Variants in MAST4 observed in about 807,000 individuals in gnomAD.
MAST4 encodes the protein microtubule-associated serine/threonine-protein kinase 4.
Under a neutral mutation model 162.7 loss-of-function variants are expected in MAST4, and 89 were observed. The ratio of observed to expected loss-of-function variants is 0.55; its 90% CI spans 0.46 to 0.65. MAST4 has a LOEUF of 0.65. Ranked by LOEUF, MAST4 falls within the 30% of genes least tolerant of loss-of-function variation. The pLI is 0.00. For synonymous variants in MAST4, 1,479 were observed against 1,361.1 expected (o/e 1.09, Z -1.91); for missense variants, 3,153 against 3,374.0 (o/e 0.93, Z 1.62).
chr5:67,075,744 T>C (rs972059020), intron 5 of MAST4, among the ~76,000 whole-genome samples: 5 of 152,218 alleles, frequency 3.3e-5, no homozygotes, highest in Non-Finnish European at 7.3e-5. Flanking sequence ...AGCACTCCCT[T>C]AGGCATTATC....
At chr5:66,984,977 A>T (rs1460185348) in intron 4 of MAST4, among the ~76,000 whole-genome samples, 1 of 152,028 alleles carries the variant, frequency 6.6e-6, no homozygotes, top group Non-Finnish European at 1.5e-5. Flanking sequence ...TTCTAAGGAG[A>T]AGTTAGGTCT....
chr5:66,688,068 T>TA (rs1240403165), intron 1 of MAST4, among the ~76,000 whole-genome samples: 1 of 152,204 alleles, frequency 6.6e-6, no homozygotes, highest in Non-Finnish European at 1.5e-5. Flanking sequence ...GGTAAACCTT[T>TA]AGCTTGGTTT....
At chr5:66,939,201 A>G (rs1743101074) in intron 4 of MAST4, among the ~76,000 whole-genome samples, 1 of 152,196 alleles carries the variant, frequency 6.6e-6, no homozygotes. Context: ...AGAGAAACAA[A>G]TAGAAAACTG....
At chr5:66,700,781 T>A (rs367785991) in intron 1 of MAST4, among the ~76,000 whole-genome samples, 8 of 142,778 alleles carry the variant, frequency 5.6e-5, no homozygotes, top group Non-Finnish European at 1.1e-4. Flanking sequence ...AAAAAAAAAA[T>A]TATATATATA....
intron 1 of MAST4, among the ~76,000 whole-genome samples, chr5:66,692,281 A>G (rs529314991): frequency 6.6e-6 from 1 of 152,214 alleles, no homozygotes; most frequent in South Asian, 2.1e-4. Flanking sequence ...TGGGCCTGAG[A>G]CTTGAGCACG....
intron 1 of MAST4, among the ~76,000 whole-genome samples, chr5:66,643,480 C>G (rs1745618168): frequency 6.6e-6 from 1 of 152,120 alleles, no homozygotes; most frequent in Admixed American, 6.5e-5. Context: ...CAGTTTAAAA[C>G]TGAAAGTAAA....
intron 10 of MAST4, among the ~76,000 whole-genome samples, chr5:67,109,604 T>C (rs901455025): frequency 1.3e-4 from 20 of 152,180 alleles, no homozygotes; most frequent in African/African-American, 4.8e-4. Flanking sequence ...ACTTCTTACG[T>C]GTGATAATAT....
chr5:66,615,076 C>A (rs556918669), intron 1 of MAST4, among the ~76,000 whole-genome samples: 45 of 152,160 alleles, frequency 3.0e-4, no homozygotes, highest in Non-Finnish European at 4.7e-4. Flanking sequence ...AGTTGAGGCT[C>A]CTCTCAGTTG....
At chr5:66,869,680 A>C (rs755795453) in intron 3 of MAST4, among the ~76,000 whole-genome samples, 8 of 152,200 alleles carry the variant, frequency 5.3e-5, no homozygotes, top group Non-Finnish European at 1.2e-4. Flanking sequence ...TCCTAGACGA[A>C]GAAGAAAAAG....
At chr5:66,924,158 C>T (rs1215067749) in intron 4 of MAST4, among the ~76,000 whole-genome samples, 4 of 152,114 alleles carry the variant, frequency 2.6e-5, no homozygotes, top group African/African-American at 9.7e-5. Context: ...AGGCAGAGGG[C>T]CTGGCACCTG....
chr5:67,032,424 G>T (rs1755453721), intron 4 of MAST4, among the ~76,000 whole-genome samples: 1 of 152,030 alleles, frequency 6.6e-6, no homozygotes, highest in Non-Finnish European at 1.5e-5. Flanking sequence ...ATTCAGCAAG[G>T]TTTAATTAAG....
At chr5:66,902,593 T>A (rs1580817372) in intron 4 of MAST4, 2 of 349,760 alleles carry the variant, frequency 5.7e-6, no homozygotes, top group East Asian at 2.1e-4. Flanking sequence ...TTATTTACAA[T>A]CATTTTAATG....
chr5:67,046,951 C>G (rs968443953), intron 4 of MAST4, among the ~76,000 whole-genome samples: 5 of 152,138 alleles, frequency 3.3e-5, no homozygotes, highest in African/African-American at 1.2e-4. Flanking sequence ...TCACTATGAC[C>G]TGGATCATTA....
Position 66,596,870 on chromosome 5 carries a change from CCCTGGGCG to C in MAST4, c.218_225del (p.Leu73ProfsTer48). The C allele has an allele frequency of 1.5e-6, 2 of 1,297,446 alleles. No homozygotes were observed. Among genetic ancestry groups the C allele is most frequent in the Non-Finnish European group, 2.0e-6 (2 of 1,025,420 alleles). 80.4% of individuals were successfully genotyped at this position (1,297,446 alleles called of 1,614,324 possible). ...CCGCCGCCGCCGCCGTTGGGAGGCA[CCCTGGGCG>C]CCCGGGCGCCCGCCGCGTGGGCTCC... On this transcript the variant is annotated frameshift_variant, in exon 1 of 29. Transcript: ENST00000403625. LOFTEE classifies it high-confidence loss of function.
intron 3 of MAST4, among the ~76,000 whole-genome samples, chr5:66,856,669 T>C (rs546348678): frequency 6.6e-6 from 1 of 152,350 alleles, no homozygotes; most frequent in East Asian, 1.9e-4. Flanking sequence ...ATTTTAAATC[T>C]GATTTTGCTT....
chr5:66,652,163 AG>A (rs1489466752), intron 1 of MAST4, among the ~76,000 whole-genome samples: 3 of 152,148 alleles, frequency 2.0e-5, no homozygotes, highest in African/African-American at 7.2e-5. Flanking sequence ...TAGGAAGTGA[AG>A]GAGCAAAGAA....
rs539628116 is a variant in MAST4 at position 67,152,554 on chromosome 5, G to A, written c.3296-83G>A. The A allele has an allele frequency of 1.2e-5, 13 of 1,099,824 alleles. No homozygotes were observed. In the African/African-American group the frequency reaches 1.8e-4, roughly 16 times the overall value. 68.1% of individuals were successfully genotyped at this position (1,099,824 alleles called of 1,614,324 possible). A position where few individuals can be genotyped will look rare whatever the true frequency, so the allele number is the denominator to read the frequency against. On this transcript the variant is annotated intron_variant, in intron 24 of 28. Transcript: ENST00000403625. ...GTGTTGTGACTATGCCCCCAGTCCT[G>A]GCAAGGCTCATGGGGTGAGGGTTGC...
chr5:66,764,407 C>T (rs1753991566), intron 2 of MAST4, among the ~76,000 whole-genome samples: 1 of 152,122 alleles, frequency 6.6e-6, no homozygotes, highest in African/African-American at 2.4e-5. Flanking sequence ...AGCCCAGAGA[C>T]AAGGGGTAGA....
chr5:66,856,136 G>T (rs1284294316), intron 3 of MAST4, among the ~76,000 whole-genome samples: 1 of 152,152 alleles, frequency 6.6e-6, no homozygotes, highest in Non-Finnish European at 1.5e-5. Context: ...CTCCAGCCTG[G>T]GTGACAGAGC....
Sources: allele counts gnomAD v4.1 joint callset (sites outside exome capture counted in the v4.1 genomes callset), GRCh38; gene constraint gnomAD v4.1.1; transcripts MANE v1.5; gene names NCBI Gene and HGNC (gene_info 2026-07-23, HGNC 2026-07-21).